Variants in CAPN11 observed in about 807,000 individuals in gnomAD.
CAPN11 encodes calpain 11.
A neutral mutation model predicts 105.3 loss-of-function variants in CAPN11; 108 were observed. That is an observed-to-expected ratio of 1.03 (90% CI 0.88 to 1.20). The LOEUF (loss-of-function observed/expected upper bound fraction) is 1.20, where lower values mean the gene tolerates loss of function less well. CAPN11 is among the 50% of genes most tolerant of loss of function. The pLI is 0.00. For synonymous variants in CAPN11, 329 were observed against 344.5 expected, an observed-to-expected ratio of 0.96 and a Z score of 0.50; for missense variants, 883 against 924.8, an observed-to-expected ratio of 0.95 and a Z score of 0.59.
At chr6:44,176,774 T>C (rs1304434594) in intron 10 of CAPN11, 64 bp from the exon 11 acceptor site, 1 of 1,595,942 alleles carries the variant, frequency 6.3e-7, no homozygotes, top group Non-Finnish European at 8.6e-7. Flanking sequence ...GGGGGGTGGT[T>C]CAGGGAGAGG....
At chr6:44,177,175 T>G (rs1217321460) in intron 11 of CAPN11, 67 bp from the exon 12 acceptor site, 2 of 1,513,280 alleles carry the variant, frequency 1.3e-6, no homozygotes, top group African/African-American at 1.4e-5. Flanking sequence ...GGAAGCTCGG[T>G]CCACCCTGGG....
At chr6:44,182,214 C>G (rs1773800934) in intron 19 of CAPN11, among the ~76,000 whole-genome samples, 1 of 131,058 alleles carries the variant, frequency 7.6e-6, no homozygotes, top group Admixed American at 7.8e-5. Flanking sequence ...ACCACACTCA[C>G]ACACACACAT....
At chr6:44,165,692 C>T (rs1350189460) in intron 1 of CAPN11, among the ~76,000 whole-genome samples, 3 of 152,132 alleles carry the variant, frequency 2.0e-5, no homozygotes, top group Non-Finnish European at 4.4e-5. Context: ...CTTGGACAGA[C>T]AGGGTCTCCC....
At chr6:44,178,611 C>T (rs1378118042) in intron 12 of CAPN11, among the ~76,000 whole-genome samples, 1 of 151,944 alleles carries the variant, frequency 6.6e-6, no homozygotes, top group Non-Finnish European at 1.5e-5. Flanking sequence ...ACTGGTGCCT[C>T]AGGATAACAT....
chr6:44,159,394 TG>T (rs1416463351), intron 1 of CAPN11, among the ~76,000 whole-genome samples: 1 of 148,074 alleles, frequency 6.8e-6, no homozygotes, highest in Non-Finnish European at 1.5e-5. Flanking sequence ...GAGAGTGGGC[TG>T]GGGGGAAGGG....
Position 44,179,714 on chromosome 6 carries a change from A to C in CAPN11, c.1428+84A>C. ...TGCAAGTGGATTGGCAAAGGGTGGA[A>C]TTTGGCGAGAGGCTCTGGGGGTCAC... On this transcript the variant is annotated intron_variant, in intron 13 of 22. Transcript: ENST00000398776. 3 of 1,423,136 alleles carry C rather than the reference A, an allele frequency of 2.1e-6. No homozygotes were observed. In the South Asian group the frequency reaches 3.4e-5, roughly 16 times the overall value. The allele number at this position is 1,423,136 out of a possible 1,614,324, so 88.2% of individuals were successfully genotyped here. A position where few individuals can be genotyped will look rare whatever the true frequency, so the allele number is the denominator to read the frequency against.
At chr6:44,181,449 T>TCA (rs150427721) in intron 19 of CAPN11, 129 bp downstream of exon 19, 31,906 of 292,786 alleles carry the variant, frequency 0.11, 8,064 homozygotes, top group African/African-American at 0.24. Context: ...CACACCACAC[T>TCA]CACACACACA....
At chr6:44,164,127 G>C (rs1769397593) in intron 1 of CAPN11, among the ~76,000 whole-genome samples, 1 of 152,128 alleles carries the variant, frequency 6.6e-6, no homozygotes, top group Non-Finnish European at 1.5e-5. Context: ...AGCCATAACT[G>C]TGCCACTGCA....
chr6:44,175,535 G>A (rs1249782971), intron 7 of CAPN11, among the ~76,000 whole-genome samples: 2 of 151,902 alleles, frequency 1.3e-5, no homozygotes. Flanking sequence ...CAGCACTTTG[G>A]GAAGCCGAGG....
Position 44,169,329 on chromosome 6 carries a change from G to A in CAPN11, c.137G>A (p.Arg46Gln), listed in dbSNP as rs777190365. The change falls in exon 3 of 23, where the codon CGG (arginine) becomes CAG (glutamine). Residue 46 changes from arginine (R) to glutamine (Q), a missense_variant. Transcript: ENST00000398776. ...TGMVAHINNS[R>Q]LKAKGVGQHD... Reference sequence around the variant, plus strand: ...ATGGTGGCTCACATAAACAACAGCCGGCTCAAGGCCAAGGGCGTGGGCCAG... The same window carrying A: ...ATGGTGGCTCACATAAACAACAGCCAGCTCAAGGCCAAGGGCGTGGGCCAG... The A allele has an allele frequency of 2.3e-5, 37 of 1,613,494 alleles. 2 individuals carry two copies. In the South Asian group the frequency reaches 3.7e-4, roughly 16 times the overall value.
intron 1 of CAPN11, 61 bp downstream of exon 1, chr6:44,158,925 A>C: frequency 7.1e-7 from 1 of 1,404,796 alleles, no homozygotes; most frequent in Non-Finnish European, 9.8e-7. Context: ...GCCTCCCCCC[A>C]GGGGAGGAGC....
Position 44,177,346 on chromosome 6 carries a change from C to T in CAPN11, c.1342C>T (p.Leu448=). ...TGTGGTCTGCACCTGCCTGGTGGCCCTAATGCAGAAGAACTGGCGGCATGC... is the reference window on the plus strand; with the variant it reads ...TGTGGTCTGCACCTGCCTGGTGGCCTTAATGCAGAAGAACTGGCGGCATGC... ...NVVVCTCLVA[L]MQKNWRHARQ... Residue 448 remains leucine (L), a synonymous_variant, in exon 12 of 23, where the codon CTA becomes TTA. Transcript: ENST00000398776. 2 of 1,613,990 alleles carry T rather than the reference C, an allele frequency of 1.2e-6. No homozygotes were observed. Among genetic ancestry groups the T allele is most frequent in the Non-Finnish European group, 1.7e-6 (2 of 1,179,892 alleles).
rs1334362108 is a variant in CAPN11, at chr6:44,176,954, G to A, written c.1193G>A (p.Ser398Asn). ...SYWHTTFYEGSWRRGSSAGGC... is the reference protein window; with the variant it reads ...SYWHTTFYEGNWRRGSSAGGC... ...TGGCACACCACCTTCTACGAGGGCA[G>A]CTGGCGCAGAGGCAGCTCCGCAGGG... Residue 398 changes from serine (S) to asparagine (N), a missense_variant, in exon 11 of 23, where the codon AGC becomes AAC. Transcript: ENST00000398776. The A allele has an allele frequency of 6.2e-7, 1 of 1,613,924 alleles. No individual in the cohort carries two copies. Among genetic ancestry groups the A allele is most frequent in the Non-Finnish European group, 8.5e-7 (1 of 1,179,886 alleles).
chr6:44,160,632 A>AAACAAC (rs534571631), intron 1 of CAPN11, among the ~76,000 whole-genome samples: 1 of 151,960 alleles, frequency 6.6e-6, no homozygotes, highest in Non-Finnish European at 1.5e-5. Flanking sequence ...AAACCTCAAA[A>AAACAAC]AACAACAACA....
chr6:44,173,831 A>T (rs1582874805), intron 7 of CAPN11, among the ~76,000 whole-genome samples: 1 of 151,700 alleles, frequency 6.6e-6, no homozygotes, highest in Admixed American at 6.6e-5. Flanking sequence ...TGATCCACCC[A>T]CCTCGGCCTC....
chr6:44,164,748 A>G (rs1769507689), intron 1 of CAPN11, among the ~76,000 whole-genome samples: 1 of 152,196 alleles, frequency 6.6e-6, no homozygotes, highest in Middle Eastern at 3.2e-3. Flanking sequence ...TAACCTGTGC[A>G]GAAAGTCGTG....
intron 1 of CAPN11, 101 bp from the exon 2 acceptor site, chr6:44,166,657 T>C (rs1188743568): frequency 1.1e-6 from 1 of 878,614 alleles, no homozygotes; most frequent in East Asian, 2.7e-5. Context: ...ACCCAGTTCT[T>C]TTCCTCATTC....
intron 9 of CAPN11, 79 bp downstream of exon 9, chr6:44,176,417 T>C (rs990344644): frequency 8.7e-6 from 12 of 1,377,464 alleles, no homozygotes; most frequent in Non-Finnish European, 1.2e-5. Context: ...GTGTCCCATC[T>C]AGGAGAACAA....
In CAPN11 at chr6:44,168,489, C is replaced by T. The variant is rs188355293; in HGVS notation, c.89-792C>T. The stretch of plus-strand genomic sequence containing the variant: ...TTCACCAGGTTGGCCAGGCTGGTCT[C>T]GAACTCCTGACCTTGTGATCCGCCC... On this transcript the variant is annotated intron_variant, in intron 2 of 22. Coordinates refer to ENST00000398776, the MANE Select transcript of CAPN11 (RefSeq NM_007058.4). Among the ~76,000 whole-genome samples, 196 of 152,038 alleles carry T rather than the reference C, an allele frequency of 1.3e-3. 1 individual carries two copies. Among genetic ancestry groups the T allele is most frequent in the African/African-American group, 4.7e-3 (195 of 41,458 alleles).
Sources: gnomAD v4.1 joint callset for allele counts (sites outside exome capture counted in the v4.1 genomes callset) on GRCh38, gnomAD v4.1.1 for gene constraint, MANE v1.5 for transcripts, NCBI Gene and HGNC (gene_info 2026-07-23, HGNC 2026-07-21) for gene names.